Variants in CALR observed in about 807,000 individuals in gnomAD.
CALR encodes the protein CRP55.
CALR carries 15 observed loss-of-function variants against 51.1 expected under a neutral mutation model. The observed-to-expected ratio is 0.29, with a 90% CI of 0.20 to 0.45. The LOEUF (loss-of-function observed/expected upper bound fraction) is 0.45. CALR is among the 20% of genes least tolerant of loss of function. The pLI is 1.00. For synonymous variants in CALR, 239 were observed against 205.9 expected (o/e 1.16, Z -1.38); for missense variants, 477 against 530.6 (o/e 0.90, Z 0.99).
At position 12,943,494 on chromosome 19, in the gene CALR, T is replaced by G. The variant is rs183213473; in HGVS notation, c.961-43T>G. On this transcript the variant is annotated intron_variant, in intron 7 of 8. Transcript: ENST00000316448. The stretch of plus-strand genomic sequence containing the variant: ...TGGAAACCCTGTCCAAAGCAAGGGC[T>G]ATCGGGTATCACCTCTGACCATCCT... The G allele has an allele frequency of 7.6e-4, 1,185 of 1,561,350 alleles. 2 individuals carry two copies. The highest frequency in any genetic ancestry group is 1.0e-3 in the Non-Finnish European group (1,143 of 1,131,872).
rs761256965 is a variant in CALR, at chr19:12,940,533, C to T, written c.703-8C>T. The T allele has an allele frequency of 6.2e-6, 10 of 1,611,528 alleles. No individual in the cohort carries two copies. Among genetic ancestry groups the T allele is most frequent in the Admixed American group, 5.0e-5 (3 of 59,978 alleles). ...GGGCCAACTCTGATCTCTTCATCTACCCCCCAGGACTGGGACAAGCCCGAG... is the reference window on the plus strand; with the variant it reads ...GGGCCAACTCTGATCTCTTCATCTATCCCCCAGGACTGGGACAAGCCCGAG... On this transcript the variant is annotated splice_polypyrimidine_tract_variant and splice_region_variant and intron_variant, in intron 5 of 8. Transcript: ENST00000316448.
chr19:12,942,626 G>C (rs952355834), intron 7 of CALR, among the ~76,000 whole-genome samples: 3 of 143,778 alleles, frequency 2.1e-5, no homozygotes, highest in Admixed American at 7.1e-5. Flanking sequence ...ACAGAGTCTT[G>C]CTCTGTCACC....
chr19:12,938,840 C>T, intron 1 of CALR, 70 bp downstream of exon 1: 2 of 1,196,224 alleles, frequency 1.7e-6, no homozygotes, highest in East Asian at 2.5e-5. Flanking sequence ...TCTGCGTTGT[C>T]GCCCGTAATT....
chr19:12,938,633 G>A lies in CALR; in HGVS notation c.-47G>A, dbSNP rs755687463. The stretch of plus-strand genomic sequence containing the variant: ...CGTCCGTACTGCAGAGCCGCTGCCG[G>A]AGGGTCGTTTTAAAGGGCCCGCGCG... On this transcript the variant is annotated 5_prime_UTR_variant, in exon 1 of 9. Transcript: ENST00000316448. 3 of 1,443,036 alleles carry A rather than the reference G, an allele frequency of 2.1e-6. No individual in the cohort carries two copies. The South Asian group carries it at 3.6e-5, about 17-fold the overall frequency. The allele number at this position is 1,443,036 out of a possible 1,614,324, so 89.4% of individuals were successfully genotyped here.
At chr19:12,943,665 G>T (rs200423895) in intron 8 of CALR, 36 bp downstream of exon 8, 70 of 1,614,124 alleles carry the variant, frequency 4.3e-5, no homozygotes, top group Admixed American at 8.3e-5. Flanking sequence ...TCGGGGGCGG[G>T]CAGGGCTGGC....
In CALR at chr19:12,943,823, TGAG is replaced by T. The variant is rs753250456; in HGVS notation, c.1167_1169del (p.Glu389del). The T allele has an allele frequency of 1.9e-6, 3 of 1,580,874 alleles. No individual in the cohort carries two copies. In the South Asian group the frequency reaches 3.4e-5, roughly 18 times the overall value. Reference sequence around the variant, plus strand: ...AGGAGGCAGAGGACAAGGAGGATGATGAGGACAAAGATGAGGATGAGGAGGATG... The same window carrying T: ...AGGAGGCAGAGGACAAGGAGGATGATGACAAAGATGAGGATGAGGAGGATG... On this transcript the variant is annotated inframe_deletion, in exon 9 of 9. Coordinates refer to ENST00000316448, the MANE Select transcript of CALR (RefSeq NM_004343.4).
At position 12,943,696 on chromosome 19, in the gene CALR, G is replaced by A; in HGVS notation, c.1054-17G>A. 1 of 1,614,120 alleles carries A rather than the reference G, an allele frequency of 6.2e-7. No homozygotes were observed. Among genetic ancestry groups the A allele is most frequent in the Middle Eastern group, 1.7e-4 (1 of 6,060 alleles). ...CTGGCAGGGGGCAAGGCCCTGAGGTGTGTGCTCTGCCTGCAGGCAGCAGAG... is the reference window on the plus strand; with the variant it reads ...CTGGCAGGGGGCAAGGCCCTGAGGTATGTGCTCTGCCTGCAGGCAGCAGAG... On this transcript the variant is annotated splice_polypyrimidine_tract_variant and intron_variant, in intron 8 of 8. Transcript: ENST00000316448.
At position 12,944,071 on chromosome 19, in the gene CALR, C is replaced by A; in HGVS notation, c.*158C>A. 1 of 1,191,164 alleles carries A rather than the reference C, an allele frequency of 8.4e-7. No homozygotes were observed. The highest frequency in any genetic ancestry group is 1.2e-6 in the Non-Finnish European group (1 of 852,738). 73.8% of individuals were successfully genotyped at this position (1,191,164 alleles called of 1,614,324 possible). ...GGTTTTGTTCCCCTCCTCCACTCTC[C>A]CCCACCCCCTCCCCGCCCTTTTTTT... On this transcript the variant is annotated 3_prime_UTR_variant, in exon 9 of 9. Transcript: ENST00000316448.
chr19:12,943,464 A>T, intron 7 of CALR, 73 bp from the exon 8 acceptor site: 1 of 1,306,450 alleles, frequency 7.7e-7, no homozygotes. Context: ...TTATAGGAAC[A>T]CAGGTGGAAA....
chr19:12,943,949 C>T lies in CALR; in HGVS notation c.*36C>T, dbSNP rs376336055. ...CTCCAGGGCTGGACTGAGGCCTGAG[C>T]GCTCCTGCCGCAGAGCTGGCCGCGC... On this transcript the variant is annotated 3_prime_UTR_variant, in exon 9 of 9. Coordinates refer to ENST00000316448, the MANE Select transcript of CALR (RefSeq NM_004343.4). The T allele has an allele frequency of 4.4e-6, 7 of 1,602,342 alleles. No individual in the cohort carries two copies. Among genetic ancestry groups the T allele is most frequent in the East Asian group, 2.2e-5 (1 of 44,574 alleles).
intron 7 of CALR, among the ~76,000 whole-genome samples, chr19:12,942,643 G>A (rs1385620745): frequency 1.3e-5 from 2 of 149,436 alleles, no homozygotes; most frequent in Non-Finnish European, 3.0e-5. Flanking sequence ...CACCCAGGTT[G>A]GAGTGCAGTG....
At chr19:12,939,984 T>C (rs1971523183) in intron 3 of CALR, 69 bp from the exon 4 acceptor site, 7 of 1,114,840 alleles carry the variant, frequency 6.3e-6, no homozygotes, top group Non-Finnish European at 9.6e-6. Flanking sequence ...CTTCCTTTTA[T>C]AAAGAGGGGT....
chr19:12,941,480 T>C (rs1277216726), intron 7 of CALR, among the ~76,000 whole-genome samples: 1 of 146,274 alleles, frequency 6.8e-6, no homozygotes, highest in Non-Finnish European at 1.5e-5. Context: ...TTTTTTTTTT[T>C]TTTTTTTTTG....
chr19:12,941,757 ACAGG>A lies in CALR; in HGVS notation c.960+872_960+875del, dbSNP rs1971550679. Among the ~76,000 whole-genome samples the A allele has an allele frequency of 2.0e-5, 3 of 151,796 alleles. No homozygotes were observed. The South Asian group carries it at 6.2e-4, about 32-fold the overall frequency. ...CTTGGCCTCCCAAAGTGCTGGGATT[ACAGG>A]CGTGAGCCACCTCACCCAGCCTTTT... On this transcript the variant is annotated intron_variant, in intron 7 of 8. Transcript: ENST00000316448.
At chr19:12,939,684 C>A in intron 3 of CALR, 53 bp downstream of exon 3, 1 of 1,453,986 alleles carries the variant, frequency 6.9e-7, no homozygotes, top group Non-Finnish European at 9.7e-7. Flanking sequence ...AGAGGGAGAC[C>A]CAGACCCCAT....
At chr19:12,939,969 C>G in intron 3 of CALR, 84 bp from the exon 4 acceptor site, 1 of 993,194 alleles carries the variant, frequency 1.0e-6, no homozygotes, top group Non-Finnish European at 1.6e-6. Context: ...GTTGAAGAAC[C>G]AGGTCTTCCT....
chr19:12,944,174 A>G lies in CALR; in HGVS notation c.*261A>G, dbSNP rs1391592107. 3 of 577,766 alleles carry G rather than the reference A, an allele frequency of 5.2e-6. No individual in the cohort carries two copies. The highest frequency in any genetic ancestry group is 3.1e-5 in the East Asian group (1 of 32,780). 35.8% of individuals were successfully genotyped at this position (577,766 alleles called of 1,614,324 possible). A position where few individuals can be genotyped will look rare whatever the true frequency, so the allele number is the denominator to read the frequency against. ...CTGGTTCTCATCTTTCTTGATCAAC[A>G]TCTTTTCTTGCCTCTGTCCCCTTCT... On this transcript the variant is annotated 3_prime_UTR_variant, in exon 9 of 9. Coordinates refer to ENST00000316448, the MANE Select transcript of CALR (RefSeq NM_004343.4).
Position 12,943,691 on chromosome 19 carries a change from G to A in CALR, c.1054-22G>A, listed in dbSNP as rs1246586632. ...CAGGGCTGGCAGGGGGCAAGGCCCT[G>A]AGGTGTGTGCTCTGCCTGCAGGCAG... On this transcript the variant is annotated intron_variant, in intron 8 of 8. Coordinates refer to ENST00000316448, the MANE Select transcript of CALR (RefSeq NM_004343.4). The A allele has an allele frequency of 4.3e-6, 7 of 1,614,138 alleles. No homozygotes were observed. The South Asian group carries it at 7.7e-5, about 18-fold the overall frequency.
intron 1 of CALR, 57 bp from the exon 2 acceptor site, chr19:12,939,077 G>T: frequency 2.0e-6 from 2 of 1,007,666 alleles, no homozygotes; most frequent in Non-Finnish European, 3.1e-6. Flanking sequence ...GCAGATGTTT[G>T]GTGTGGGGGG....
Sources: allele counts gnomAD v4.1 joint callset (sites outside exome capture counted in the v4.1 genomes callset), GRCh38; gene constraint gnomAD v4.1.1; transcripts MANE v1.5; gene names NCBI Gene and HGNC (gene_info 2026-07-23, HGNC 2026-07-21).